RICTOR: variants seen among roughly 807,000 people sequenced by gnomAD.
RICTOR encodes the protein RPTOR independent companion of MTOR complex 2.
Under a neutral mutation model 214.9 loss-of-function variants are expected in RICTOR, and 49 were observed. The observed-to-expected ratio is 0.23, with a 90% confidence interval of 0.18 to 0.29. The LOEUF (loss-of-function observed/expected upper bound fraction) is 0.29, where lower values mean the gene tolerates loss of function less well. Among genes scored for constraint, RICTOR ranks in the 10% least tolerant of loss-of-function variants. The probability of loss-of-function intolerance (pLI) is 1.00; values close to 1 mark genes in which losing one functional copy is unlikely to be tolerated. For missense variants in RICTOR, 1,625 were observed against 2,047.0 expected (o/e 0.79, Z 3.98); for synonymous variants, 717 against 711.3 (o/e 1.01, Z -0.13).
At chr5:39,062,681 C>T (rs750320460) in intron 2 of RICTOR, among the ~76,000 whole-genome samples, 1 of 152,106 alleles carries the variant, frequency 6.6e-6, no homozygotes, top group Non-Finnish European at 1.5e-5. Context: ...TTCTTAGTAA[C>T]TAAATTACTT....
rs147306776 is a variant in RICTOR, at chr5:39,013,259, A to G, written c.195+7780T>C. Among the ~76,000 whole-genome samples, 53 of 152,338 alleles carry G rather than the reference A, an allele frequency of 3.5e-4. 1 individual carries two copies. In the Middle Eastern group the frequency reaches 0.024, roughly 68 times the overall value. On this transcript the variant is annotated intron_variant, in intron 3 of 37. Transcript: ENST00000357387. ...ATAACACGTTAAACTTAACATTTTTATAAAAGCAAAACAAATACTATTATA... is the reference window on the plus strand; with the variant it reads ...ATAACACGTTAAACTTAACATTTTTGTAAAAGCAAAACAAATACTATTATA...
At chr5:39,051,710 G>A (rs556694608) in intron 2 of RICTOR, among the ~76,000 whole-genome samples, 76 of 151,734 alleles carry the variant, frequency 5.0e-4, no homozygotes, top group South Asian at 1.7e-3. Context: ...CCAAGATCAC[G>A]CCATTGCACT....
At chr5:39,037,156 A>T (rs1253052808) in intron 2 of RICTOR, among the ~76,000 whole-genome samples, 2 of 152,258 alleles carry the variant, frequency 1.3e-5, no homozygotes, top group East Asian at 3.8e-4. Context: ...ACTCAGGATT[A>T]AGAAACTCAC....
At chr5:39,070,374 CAGG>C (rs1375507450) in intron 2 of RICTOR, among the ~76,000 whole-genome samples, 1 of 151,966 alleles carries the variant, frequency 6.6e-6, no homozygotes, top group African/African-American at 2.4e-5. Context: ...GAGGCTGAGG[CAGG>C]AGAATGGCGT....
chr5:38,982,564 G>A (rs533844425), intron 7 of RICTOR, among the ~76,000 whole-genome samples: 1 of 152,092 alleles, frequency 6.6e-6, no homozygotes, highest in Admixed American at 6.5e-5. Flanking sequence ...TTTTCAATCT[G>A]TTAGGAAGCT....
At chr5:38,944,351 A>T in intron 36 of RICTOR, 95 bp downstream of exon 36, 1 of 1,292,928 alleles carries the variant, frequency 7.7e-7, no homozygotes. Flanking sequence ...TACTGATGTA[A>T]GTTAACTAGC....
intron 2 of RICTOR, among the ~76,000 whole-genome samples, chr5:39,034,680 G>A (rs1380101441): frequency 2.6e-5 from 4 of 152,232 alleles, no homozygotes; most frequent in Non-Finnish European, 5.9e-5. Context: ...CCCACACCTG[G>A]CTCAGCGGGT....
intron 19 of RICTOR, 127 bp downstream of exon 19, chr5:38,962,188 C>T (rs1579925861): frequency 7.4e-6 from 3 of 406,304 alleles, no homozygotes; most frequent in East Asian, 7.4e-5. Context: ...TATATGAGTA[C>T]CTATTGAAGA....
intron 15 of RICTOR, among the ~76,000 whole-genome samples, chr5:38,965,785 TGAAGGGAAAACAAGGGTGGGGAG>T (rs1168853999): frequency 6.6e-6 from 1 of 151,922 alleles, no homozygotes; most frequent in African/African-American, 2.4e-5. Context: ...CCAGTTGCTA[TGAAGGGAAAACAAGGGTGGGGAG>T]GAGGGGAAGA....
intron 2 of RICTOR, among the ~76,000 whole-genome samples, chr5:39,067,523 T>C (rs1758990916): frequency 2.0e-5 from 3 of 152,226 alleles, no homozygotes; most frequent in Admixed American, 6.5e-5. Context: ...TTGACTCCTT[T>C]CTTCTTATTG....
At chr5:39,038,271 C>T (rs1210641897) in intron 2 of RICTOR, among the ~76,000 whole-genome samples, 1 of 152,160 alleles carries the variant, frequency 6.6e-6, no homozygotes, top group Non-Finnish European at 1.5e-5. Context: ...ATTCAACAGT[C>T]CTTCATGCTA....
In RICTOR at chr5:38,945,479, G is replaced by A. The variant is rs370682980; in HGVS notation, c.4633+12C>T. 46 of 1,562,218 alleles carry A rather than the reference G, an allele frequency of 2.9e-5. 1 individual carries two copies. The East Asian group carries it at 6.1e-4, about 21-fold the overall frequency. ...CACTAGGTTTTTCTGAAGGTGGGAC[G>A]TGATCACTTACCTGAATGACTACAT... On this transcript the variant is annotated intron_variant, in intron 34 of 37. Transcript: ENST00000357387.
rs376350820 is a variant in RICTOR, at chr5:39,049,802, C to T, written c.97+24309G>A. Among the ~76,000 whole-genome samples, 254 of 152,012 alleles carry T rather than the reference C, an allele frequency of 1.7e-3. 1 individual carries two copies. In the Middle Eastern group the frequency reaches 0.041, roughly 24 times the overall value. On this transcript the variant is annotated intron_variant, in intron 2 of 37. Coordinates refer to ENST00000357387, the MANE Select transcript of RICTOR (RefSeq NM_152756.5). ...CACTGCTAGCAGAAGAATTAATGAA[C>T]GAAGAAAGACCTAGCTGAAGATACT...
At chr5:39,063,257 G>A (rs999373393) in intron 2 of RICTOR, among the ~76,000 whole-genome samples, 2 of 152,120 alleles carry the variant, frequency 1.3e-5, no homozygotes, top group African/African-American at 4.8e-5. Context: ...GTATTTCACA[G>A]TGTGCTCCAA....
rs544957329 is a variant in RICTOR, at chr5:38,949,173, A to C, written c.4136+539T>G. Among the ~76,000 whole-genome samples, 10 of 152,192 alleles carry C rather than the reference A, an allele frequency of 6.6e-5. No homozygotes were observed. In the East Asian group the frequency reaches 1.9e-3, roughly 29 times the overall value. On this transcript the variant is annotated intron_variant, in intron 31 of 37. Transcript: ENST00000357387. The stretch of plus-strand genomic sequence containing the variant: ...CTGTTCACTTTGACTAGCTTGATAT[A>C]ATCTAAATATGGTATAGAAATCCCT...
chr5:39,057,790 A>G (rs1168337945), intron 2 of RICTOR, among the ~76,000 whole-genome samples: 2 of 152,150 alleles, frequency 1.3e-5, no homozygotes, highest in East Asian at 3.8e-4. Context: ...CATCTTCAGG[A>G]AATTCCCAAC....
intron 2 of RICTOR, among the ~76,000 whole-genome samples, chr5:39,024,502 T>C (rs1460815343): frequency 6.6e-6 from 1 of 152,208 alleles, no homozygotes; most frequent in Non-Finnish European, 1.5e-5. Flanking sequence ...TAAGATGATT[T>C]AACTATATTT....
At chr5:38,967,306 A>T (rs1314059997) in intron 13 of RICTOR, 31 bp downstream of exon 13, 1 of 1,598,378 alleles carries the variant, frequency 6.3e-7, no homozygotes, top group African/African-American at 1.3e-5. Flanking sequence ...GAATTCTAAT[A>T]AATTGAAACC....
chr5:39,024,877 T>C (rs538128092), intron 2 of RICTOR, among the ~76,000 whole-genome samples: 1 of 152,338 alleles, frequency 6.6e-6, no homozygotes, highest in East Asian at 1.9e-4. Context: ...CATATCTAAG[T>C]GTATTCATTC....
Sources: gnomAD v4.1 joint callset for allele counts (sites outside exome capture counted in the v4.1 genomes callset) on GRCh38, gnomAD v4.1.1 for gene constraint, MANE v1.5 for transcripts, NCBI Gene and HGNC (gene_info 2026-07-23, HGNC 2026-07-21) for gene names.